SLC25A23: variants seen among roughly 807,000 people sequenced by gnomAD.
SLC25A23 encodes the protein solute carrier family 25 member 23, also known as mitochondrial adenyl nucleotide antiporter SLC25A23.
SLC25A23 carries 32 observed loss-of-function variants against 53.9 expected under a neutral mutation model. The observed-to-expected ratio is 0.59, with a 90% CI of 0.45 to 0.80. SLC25A23 has a LOEUF of 0.80. Ranked by LOEUF, SLC25A23 falls within the 30% of genes least tolerant of loss-of-function variation. The probability of loss-of-function intolerance (pLI) is 0.00; values close to 1 mark genes in which losing one functional copy is unlikely to be tolerated. For synonymous variants in SLC25A23, 275 were observed against 264.5 expected, an observed-to-expected ratio of 1.04 and a Z score of -0.38; for missense variants, 575 against 651.4, an observed-to-expected ratio of 0.88 and a Z score of 1.28.
chr19:6,438,060 A>AAT (rs2092355986), downstream of SLC25A23: 9 of 151,052 alleles, frequency 6.0e-5, no homozygotes, highest in South Asian at 1.9e-3. Flanking sequence ...AAAAAAAAAA[A>AAT]ACAAACTTGG....
chr19:6,444,102 G>GC, intron 9 of SLC25A23, 49 bp downstream of exon 9: 1 of 1,474,950 alleles, frequency 6.8e-7, no homozygotes. Flanking sequence ...AGAAGCTGGG[G>GC]CCCAAGCGAT....
rs1283676031 is a variant in SLC25A23, at chr19:6,454,652, G to T, written c.549C>A (p.Gly183=). ...CGGCCACCAGCTGTTTCCACCACAT[G>T]CCCGTCAGCTTCTCTTGCTTTGAGA... The part of the protein sequence containing the change: ...DEFSKQEKLT[G]MWWKQLVAGA... Residue 183 remains glycine (G), a synonymous_variant, in exon 5 of 10, where the codon GGC becomes GGA. Coordinates refer to ENST00000301454, the MANE Select transcript of SLC25A23 (RefSeq NM_024103.3). The surrounding 1 kb of genome is among the most constrained non-coding windows in gnomAD (Gnocchi z 4.3). 1 of 1,614,090 alleles carries T rather than the reference G, an allele frequency of 6.2e-7. No homozygotes were observed. The highest frequency in any genetic ancestry group is 1.7e-5 in the Admixed American group (1 of 60,028).
Position 6,444,160 on chromosome 19 carries a change from G to C in SLC25A23, c.1213C>G (p.Gln405Glu), listed in dbSNP as rs760903461. 1.9e-6 allele frequency: 3 copies of C among 1,583,012 alleles called. No homozygotes were observed. The highest frequency in any genetic ancestry group is 2.6e-6 in the Non-Finnish European group (3 of 1,162,368). The change falls in exon 9 of 10, where the codon CAG (glutamine) becomes GAG (glutamate). Residue 405 changes from glutamine (Q) to glutamate (E), a missense_variant. Gln to Glu is a conservative substitution (Grantham distance 29). Transcript: ENST00000301454. ...YPLALVRTRMQAQASIEGGPQ... is the reference protein window; with the variant it reads ...YPLALVRTRMEAQASIEGGPQ... ...CCCGCCCAGGCCTCACCTTGTGCCT[G>C]CATGCGGGTCCGGACCAGGGCCAGC... is the stretch of plus-strand genomic sequence containing the variant.
At chr19:6,439,304 G>A (rs930236826), downstream of SLC25A23, among the ~76,000 whole-genome samples, 1 of 151,734 alleles carries the variant, frequency 6.6e-6, no homozygotes, top group Non-Finnish European at 1.5e-5. Flanking sequence ...TGGGAGGATC[G>A]CTTGAGCACA....
rs1317771086 is a variant in SLC25A23, at chr19:6,459,615, G to A, written c.14C>T (p.Pro5Leu). 5 of 1,519,238 alleles carry A rather than the reference G, an allele frequency of 3.3e-6. No individual in the cohort carries two copies. The highest frequency in any genetic ancestry group is 2.9e-5 in the African/African-American group (2 of 70,100). The allele number at this position is 1,519,238 out of a possible 1,614,324, so 94.1% of individuals were successfully genotyped here. A position where few individuals can be genotyped will look rare whatever the true frequency, so the allele number is the denominator to read the frequency against. ...GCGCTGCCGCCGCTCCGCGTCGCCC[G>A]GGCTCCCCCGCATGGCGCCCGCCCG... MRGS[P>L]GDAERRQRWG... is the part of the protein sequence containing the mutation. The change falls in exon 1 of 10, where the codon CCG becomes CTG. Residue 5 changes from proline (P) to leucine (L), a missense_variant. Pro to Leu is a moderately conservative substitution (Grantham distance 98). Transcript: ENST00000301454. This position sits in a 1 kb window ranked among gnomAD's most constrained non-coding sequence, Gnocchi z 4.6.
At chr19:6,443,933 C>G (rs1053306523) in intron 9 of SLC25A23, among the ~76,000 whole-genome samples, 1 of 152,192 alleles carries the variant, frequency 6.6e-6, no homozygotes, top group African/African-American at 2.4e-5. Context: ...GCTAAGTCTG[C>G]AAGGGATCTC....
Position 6,454,463 on chromosome 19 carries a change from T to A in SLC25A23, c.655A>T (p.Lys219Ter). The change falls in exon 6 of 10, where the codon AAG becomes TAG. Residue 219 changes from lysine to a stop codon, truncating the protein, a stop_gained. Transcript: ENST00000301454. LOFTEE classifies it high-confidence loss of function. The surrounding 1 kb of genome is among the most constrained non-coding windows in gnomAD (Gnocchi z 4.3). ...LKVFMQVHAS[K>*]TNRLNILGGL... ...CCAAGGATGTTCAGCCGGTTGGTCT[T>A]TGAGGCATGGACCTGAATGGGGAGA... The A allele has an allele frequency of 6.2e-7, 1 of 1,614,106 alleles. No homozygotes were observed. Among genetic ancestry groups the A allele is most frequent in the Non-Finnish European group, 8.5e-7 (1 of 1,180,020 alleles).
intron 1 of SLC25A23, among the ~76,000 whole-genome samples, chr19:6,458,573 G>C (rs2092715597): frequency 6.6e-6 from 1 of 152,212 alleles, no homozygotes; most frequent in Admixed American, 6.5e-5. Context: ...GCAAGGTCAA[G>C]TCACCAGTTC....
At chr19:6,439,395 TCTCTCACACACACACA>T (rs748199417), downstream of SLC25A23, among the ~76,000 whole-genome samples, 3 of 129,506 alleles carry the variant, frequency 2.3e-5, no homozygotes, top group African/African-American at 3.3e-5. Context: ...TCTCTCTCTC[TCTCTCACACACACACA>T]CACACACACA....
chr19:6,449,306 G>A (rs2092552749), intron 8 of SLC25A23, among the ~76,000 whole-genome samples: 1 of 148,730 alleles, frequency 6.7e-6, no homozygotes, highest in African/African-American at 2.5e-5. Context: ...AAGCTGGAGT[G>A]CATTGGCATG....
In SLC25A23 at chr19:6,440,412, C is replaced by T. The variant is rs920097894; in HGVS notation, c.*1563G>A. 11 of 151,916 alleles carry T rather than the reference C, an allele frequency of 7.2e-5. No individual in the cohort carries two copies. Among genetic ancestry groups the T allele is most frequent in the South Asian group, 2.1e-4 (1 of 4,792 alleles). The allele number at this position is 151,916 out of a possible 1,614,324, so 9.4% of individuals were successfully genotyped here. A position where few individuals can be genotyped will look rare whatever the true frequency, so the allele number is the denominator to read the frequency against. On this transcript the variant is annotated 3_prime_UTR_variant, in exon 10 of 10. Coordinates refer to ENST00000301454, the MANE Select transcript of SLC25A23 (RefSeq NM_024103.3). ...GGGTTTAGGGAAGGGTGGTCTTTGC[C>T]GATTTTCTCCTGGCTTTCAACTCTG...
intron 8 of SLC25A23, among the ~76,000 whole-genome samples, chr19:6,446,975 A>G (rs1190860236): frequency 6.6e-6 from 1 of 152,098 alleles, no homozygotes; most frequent in Non-Finnish European, 1.5e-5. Flanking sequence ...GAATGTATCT[A>G]CAAGCCAAAG....
chr19:6,456,623 G>A (rs1457436433), intron 3 of SLC25A23, 92 bp from the exon 4 acceptor site: 4 of 870,400 alleles, frequency 4.6e-6, no homozygotes, highest in Non-Finnish European at 7.6e-6. Context: ...TGCAGTTTGG[G>A]AGGTTCAAGT....
At position 6,452,344 on chromosome 19, in the gene SLC25A23, G is replaced by T; in HGVS notation, c.1039C>A (p.Pro347Thr). The change falls in exon 8 of 10, where the codon CCC becomes ACC. Residue 347 changes from proline (P) to threonine (T), a missense_variant. Coordinates refer to ENST00000301454, the MANE Select transcript of SLC25A23 (RefSeq NM_024103.3). ...GYLPNVLGIIPYAGIDLAVYE... is the reference protein window; with the variant it reads ...GYLPNVLGIITYAGIDLAVYE... ...ACGGCCAGGTCGATGCCCGCATAGG[G>T]GATGATGCCCAGCACGTTGGGGAGG... 1 of 1,613,566 alleles carries T rather than the reference G, an allele frequency of 6.2e-7. No homozygotes were observed. The highest frequency in any genetic ancestry group is 8.5e-7 in the Non-Finnish European group (1 of 1,179,780).
In SLC25A23 at chr19:6,442,988, G is replaced by C. The variant is rs140103270; in HGVS notation, c.1223-829C>G. Among the ~76,000 whole-genome samples the C allele has an allele frequency of 6.4e-3, 950 of 148,076 alleles. 6 individuals carry two copies. Among genetic ancestry groups the C allele is most frequent in the South Asian group, 0.011 (52 of 4,656 alleles). ...GTTTTCACTCCTGTTGCCCAGGCTG[G>C]AGTGCGATGGCACGAACTTGGCTTA... is the stretch of plus-strand genomic sequence containing the variant. On this transcript the variant is annotated intron_variant, in intron 9 of 9. Transcript: ENST00000301454.
chr19:6,455,998 T>C (rs2145050416), intron 4 of SLC25A23: 1 of 1,293,536 alleles, frequency 7.7e-7, no homozygotes, highest in Non-Finnish European at 1.0e-6. Flanking sequence ...GGATTTTAGG[T>C]GTGAGCCACT....
At chr19:6,443,414 G>C (rs1271293135) in intron 9 of SLC25A23, 10 of 507,982 alleles carry the variant, frequency 2.0e-5, no homozygotes, top group Non-Finnish European at 3.1e-5. Context: ...TTTAAAAAAA[G>C]ATGGGGTCTT....
Position 6,454,476 on chromosome 19 carries a change from C to G in SLC25A23, c.643-1G>C. 6.2e-7 allele frequency: 1 copy of G among 1,614,010 alleles called. No individual in the cohort carries two copies. The highest frequency in any genetic ancestry group is 8.5e-7 in the Non-Finnish European group (1 of 1,180,000). ...GCCGGTTGGTCTTTGAGGCATGGAC[C>G]TGAATGGGGAGACAACAGCTTGGAG... is the stretch of plus-strand genomic sequence containing the variant. On this transcript the variant is annotated splice_acceptor_variant, in intron 5 of 9. Coordinates refer to ENST00000301454, the MANE Select transcript of SLC25A23 (RefSeq NM_024103.3). LOFTEE classifies it high-confidence loss of function. The surrounding 1 kb of genome is among the most constrained non-coding windows in gnomAD (Gnocchi z 4.3).
At position 6,440,795 on chromosome 19, in the gene SLC25A23, C is replaced by T. The variant is rs964060117; in HGVS notation, c.*1180G>A. ...GCAATTTCATGTCATGAGAAGCCGG[C>T]TCTGGGCACCAGTGTGTGTGGGATA... is the stretch of plus-strand genomic sequence containing the variant. On this transcript the variant is annotated 3_prime_UTR_variant, in exon 10 of 10. Transcript: ENST00000301454. 2 of 152,192 alleles carry T rather than the reference C, an allele frequency of 1.3e-5. No individual in the cohort carries two copies. The highest frequency in any genetic ancestry group is 6.6e-5 in the Admixed American group (1 of 15,264). The allele number at this position is 152,192 out of a possible 1,614,324, so 9.4% of individuals were successfully genotyped here. A position where few individuals can be genotyped will look rare whatever the true frequency, so the allele number is the denominator to read the frequency against.
Sources: allele counts gnomAD v4.1 joint callset (sites outside exome capture counted in the v4.1 genomes callset), GRCh38; gene constraint gnomAD v4.1.1; non-coding constraint Gnocchi (gnomAD v3.1); transcripts MANE v1.5; gene names NCBI Gene and HGNC (gene_info 2026-07-23, HGNC 2026-07-21).